Variants in ENTHD1 observed in about 807,000 individuals in gnomAD.
ENTHD1 encodes the protein ENTH domain containing 1.
In ENTHD1, 23 loss-of-function variants were observed where a neutral mutation model predicts 39.1. That is an observed-to-expected ratio of 0.59 (90% confidence interval 0.42 to 0.83). ENTHD1 has a LOEUF of 0.83. Among genes scored for constraint, ENTHD1 ranks in the 40% least tolerant of loss-of-function variants. The pLI is 0.00. For missense variants in ENTHD1, 624 were observed against 705.4 expected, an observed-to-expected ratio of 0.88 and a Z score of 1.31; for synonymous variants, 230 against 258.2, an observed-to-expected ratio of 0.89 and a Z score of 1.05.
At chr22:39,784,331 A>G (rs767062758) in intron 5 of ENTHD1, among the ~76,000 whole-genome samples, 45 of 152,180 alleles carry the variant, frequency 3.0e-4, no homozygotes, top group Non-Finnish European at 5.1e-4. Flanking sequence ...TATGGAGAAC[A>G]GTATGGAGGT....
intron 2 of ENTHD1, among the ~76,000 whole-genome samples, chr22:39,879,642 T>C (rs927279777): frequency 5.3e-5 from 8 of 152,008 alleles, no homozygotes; most frequent in African/African-American, 1.7e-4. Context: ...CTGGTAAAGA[T>C]GCAGAGCATC....
chr22:39,786,254 G>A (rs1489380504), intron 5 of ENTHD1, among the ~76,000 whole-genome samples: 1 of 151,978 alleles, frequency 6.6e-6, no homozygotes, highest in Non-Finnish European at 1.5e-5. Context: ...CATCTTTAAG[G>A]TATGTGACAC....
intron 5 of ENTHD1, among the ~76,000 whole-genome samples, chr22:39,783,642 A>G (rs1264805316): frequency 6.6e-6 from 1 of 152,140 alleles, no homozygotes; most frequent in Admixed American, 6.5e-5. Context: ...CAAGACACAC[A>G]ATGAAAAAAA....
chr22:39,875,737 G>A, intron 2 of ENTHD1: 6 of 1,613,040 alleles, frequency 3.7e-6, no homozygotes, highest in Non-Finnish European at 5.1e-6. Context: ...TGTTGGCCCT[G>A]GCGAAAATCG....
At chr22:39,793,933 G>A (rs909738834) in intron 5 of ENTHD1, among the ~76,000 whole-genome samples, 7 of 152,148 alleles carry the variant, frequency 4.6e-5, no homozygotes, top group Admixed American at 6.5e-5. Context: ...GGATCACTTC[G>A]GCTATTTGGA....
chr22:39,875,228 A>T, intron 2 of ENTHD1: 1 of 1,014,010 alleles, frequency 9.9e-7, no homozygotes, highest in Non-Finnish European at 1.3e-6. Context: ...AAGAACACAT[A>T]CGGTATGCTT....
chr22:39,893,040 C>T (rs1397488473), intron 1 of ENTHD1, among the ~76,000 whole-genome samples: 3 of 152,270 alleles, frequency 2.0e-5, no homozygotes, highest in South Asian at 4.1e-4. Flanking sequence ...ACACAGTCCT[C>T]ACACCCTGGA....
chr22:39,868,153 G>A (rs2066205086), intron 2 of ENTHD1, among the ~76,000 whole-genome samples: 1 of 151,992 alleles, frequency 6.6e-6, no homozygotes, highest in Admixed American at 6.5e-5. Flanking sequence ...ATTTGTGGCT[G>A]TGGATCTAAA....
At chr22:39,855,267 C>T (rs900900813) in intron 3 of ENTHD1, among the ~76,000 whole-genome samples, 6 of 152,196 alleles carry the variant, frequency 3.9e-5, no homozygotes, top group Non-Finnish European at 7.3e-5. Flanking sequence ...CTAGTTGCTA[C>T]TCATATCAAA....
rs191145452 is a variant in ENTHD1 at position 39,743,251 on chromosome 22, C to G, written c.*428G>C. 1.9e-3 allele frequency: 299 copies of G among 153,898 alleles called. 2 individuals carry two copies. The highest frequency in any genetic ancestry group is 0.01 in the Middle Eastern group (3 of 296). The allele number at this position is 153,898 out of a possible 1,614,324, so 9.5% of individuals were successfully genotyped here. A position where few individuals can be genotyped will look rare whatever the true frequency, so the allele number is the denominator to read the frequency against. ...AAAAGAATGTGTGAAATGTATACCCCCAAACTCAATCCTCCTAGGTCACCT... is the reference window on the plus strand; with the variant it reads ...AAAAGAATGTGTGAAATGTATACCCGCAAACTCAATCCTCCTAGGTCACCT... On this transcript the variant is annotated 3_prime_UTR_variant, in exon 7 of 7. Coordinates refer to ENST00000325157, the MANE Select transcript of ENTHD1 (RefSeq NM_152512.4).
intron 5 of ENTHD1, among the ~76,000 whole-genome samples, chr22:39,776,862 C>G (rs1021666780): frequency 2.0e-5 from 3 of 152,162 alleles, no homozygotes; most frequent in Admixed American, 6.5e-5. Context: ...ACCCTGCTAC[C>G]TCTTTTTCAT....
intron 4 of ENTHD1, among the ~76,000 whole-genome samples, chr22:39,833,540 A>G (rs997942338): frequency 5.9e-5 from 9 of 152,150 alleles, no homozygotes; most frequent in Non-Finnish European, 1.2e-4. Flanking sequence ...AATATTACAT[A>G]TAAAAATAGA....
intron 4 of ENTHD1, among the ~76,000 whole-genome samples, chr22:39,827,236 C>T (rs563988352): frequency 5.3e-4 from 81 of 152,078 alleles, no homozygotes; most frequent in African/African-American, 1.9e-3. Context: ...AGGATGGTCT[C>T]GATCTTCTGA....
At chr22:39,744,388 A>G (rs2065087750) in intron 6 of ENTHD1, 105 bp from the exon 7 acceptor site, 1 of 1,033,658 alleles carries the variant, frequency 9.7e-7, no homozygotes, top group Non-Finnish European at 1.3e-6. Flanking sequence ...GGCTCAACAT[A>G]AATAAACTGC....
rs71197195 is a variant in ENTHD1 at position 39,824,201 on chromosome 22, C to CTTT, written c.712-3091_712-3089dup. Among the ~76,000 whole-genome samples the CTTT allele has an allele frequency of 4.4e-3, 314 of 71,444 alleles. 94 individuals are homozygous for CTTT. Among genetic ancestry groups the CTTT allele is most frequent in the African/African-American group, 0.011 (201 of 18,158 alleles). The allele number at this position is 71,444 out of a possible 152,430, so 46.9% of individuals were successfully genotyped here. On this transcript the variant is annotated intron_variant, in intron 4 of 6. Coordinates refer to ENST00000325157, the MANE Select transcript of ENTHD1 (RefSeq NM_152512.4). ...TTAGGGATCATGCTTTTGTCCAGTT[C>CTTT]TTTTTTTTTTTTTTTTTTTTTTTTT...
At chr22:39,826,695 T>C (rs1170645580) in intron 4 of ENTHD1, among the ~76,000 whole-genome samples, 2 of 152,112 alleles carry the variant, frequency 1.3e-5, no homozygotes, top group African/African-American at 2.4e-5. Context: ...TTAATGTAGA[T>C]TGATTGATTG....
intron 4 of ENTHD1, among the ~76,000 whole-genome samples, chr22:39,830,246 C>T (rs1460054102): frequency 6.6e-6 from 1 of 151,858 alleles, no homozygotes; most frequent in Non-Finnish European, 1.5e-5. Flanking sequence ...CGGTAATTTT[C>T]GTATTTTTAG....
Position 39,784,812 on chromosome 22 carries a change from G to C in ENTHD1, c.833-19203C>G, listed in dbSNP as rs148713574. Among the ~76,000 whole-genome samples, 614 of 152,184 alleles carry C rather than the reference G, an allele frequency of 4.0e-3. 3 individuals are homozygous for C. The highest frequency in any genetic ancestry group is 0.014 in the African/African-American group (593 of 41,508). On this transcript the variant is annotated intron_variant, in intron 5 of 6. Transcript: ENST00000325157. ...TGGGGATGCAGGGAAGTTGATTAAT[G>C]GGCACAAATATGTACAGTTTGATAG... is the stretch of plus-strand genomic sequence containing the variant.
intron 4 of ENTHD1, among the ~76,000 whole-genome samples, chr22:39,822,009 G>A (rs1163520096): frequency 6.6e-6 from 1 of 152,164 alleles, no homozygotes; most frequent in East Asian, 1.9e-4. Flanking sequence ...CAAGTATTCA[G>A]ACGACAGCAA....
Sources: allele counts gnomAD v4.1 joint callset (sites outside exome capture counted in the v4.1 genomes callset), GRCh38; gene constraint gnomAD v4.1.1; transcripts MANE v1.5; gene names NCBI Gene and HGNC (gene_info 2026-07-23, HGNC 2026-07-21).